Variants in SGCZ observed in about 807,000 individuals in gnomAD.
SGCZ encodes sarcoglycan zeta, also known as zeta-sarcoglycan.
Under a neutral mutation model 41.3 loss-of-function variants are expected in SGCZ, and 40 were observed. The observed-to-expected ratio is 0.97, with a 90% CI of 0.75 to 1.26. The LOEUF is 1.26. SGCZ is among the 50% of genes most tolerant of loss of function. The pLI is 0.00. For missense variants in SGCZ, 552 were observed against 369.8 expected, an observed-to-expected ratio of 1.49 and a Z score of -4.04; for synonymous variants, 206 against 137.5, an observed-to-expected ratio of 1.50 and a Z score of -3.49.
At position 14,927,102 on chromosome 8, in the gene SGCZ, C is replaced by CTTTTTTTTT. The variant is rs71209091; in HGVS notation, c.39+310474_39+310482dup. 3.6e-5 allele frequency among the ~76,000 whole-genome samples: 3 copies of CTTTTTTTTT among 82,684 alleles called. 1 individual carries two copies. The highest frequency in any genetic ancestry group is 6.5e-5 in the Non-Finnish European group (3 of 46,080). The allele number at this position is 82,684 out of a possible 152,430, so 54.2% of individuals were successfully genotyped here. On this transcript the variant is annotated intron_variant, in intron 1 of 7. Coordinates refer to ENST00000382080, the MANE Select transcript of SGCZ (RefSeq NM_139167.4). ...TATCAAAGTATCAAAGTTCCTGATT[C>CTTTTTTTTT]TTTTTTTTTTTTTTTTTTTTTTGTG...
rs1024302225 is a variant in SGCZ, at chr8:14,384,213, G to A, written c.235-60009C>T. 3.3e-5 allele frequency among the ~76,000 whole-genome samples: 5 copies of A among 152,078 alleles called. No homozygotes were observed. In the East Asian group the frequency reaches 5.8e-4, roughly 18 times the overall value. ...TCCCACCTATGAGTGAGAACATGCG[G>A]TGTTCGGTTTTTTGTCCTTGCGATA... On this transcript the variant is annotated intron_variant, in intron 2 of 7. Transcript: ENST00000382080.
intron 2 of SGCZ, among the ~76,000 whole-genome samples, chr8:14,428,074 C>A (rs1024872773): frequency 6.6e-6 from 1 of 151,230 alleles, no homozygotes; most frequent in South Asian, 2.1e-4. Flanking sequence ...GAATCAAACC[C>A]CGCAGATACT....
At chr8:14,724,586 T>C (rs1809992783) in intron 1 of SGCZ, among the ~76,000 whole-genome samples, 1 of 151,844 alleles carries the variant, frequency 6.6e-6, no homozygotes, top group Admixed American at 6.6e-5. Context: ...TCATTTGTAT[T>C]ATTCAGTTTG....
At chr8:14,292,860 A>G (rs765057506) in intron 3 of SGCZ, among the ~76,000 whole-genome samples, 43 of 151,988 alleles carry the variant, frequency 2.8e-4, no homozygotes, top group Non-Finnish European at 5.6e-4. Flanking sequence ...CTCTGTCTCT[A>G]TATATATAAT....
chr8:15,095,245 T>C (rs1433728860), intron 1 of SGCZ, among the ~76,000 whole-genome samples: 1 of 152,124 alleles, frequency 6.6e-6, no homozygotes, highest in East Asian at 1.9e-4. Context: ...ATTACAGTCA[T>C]GTGCCATCAC....
chr8:14,810,738 A>ATAGT (rs1801713771), intron 1 of SGCZ, among the ~76,000 whole-genome samples: 1 of 151,994 alleles, frequency 6.6e-6, no homozygotes, highest in Non-Finnish European at 1.5e-5. Context: ...AGCTATACTG[A>ATAGT]TAGTATTTTC....
chr8:14,792,413 G>C (rs1472358499), intron 1 of SGCZ, among the ~76,000 whole-genome samples: 1 of 152,042 alleles, frequency 6.6e-6, no homozygotes, highest in Non-Finnish European at 1.5e-5. Flanking sequence ...TCTCTCTTTA[G>C]AAACATCAAC....
intron 2 of SGCZ, among the ~76,000 whole-genome samples, chr8:14,507,211 G>A (rs1374097975): frequency 6.6e-6 from 1 of 151,190 alleles, no homozygotes; most frequent in East Asian, 2.0e-4. Context: ...TTCAAATACT[G>A]CATAAGTATG....
chr8:15,175,807 G>A (rs920772323), intron 1 of SGCZ, among the ~76,000 whole-genome samples: 1 of 152,128 alleles, frequency 6.6e-6, no homozygotes, highest in Non-Finnish European at 1.5e-5. Flanking sequence ...CAGAATTTAG[G>A]TAAATGGGGA....
intron 1 of SGCZ, among the ~76,000 whole-genome samples, chr8:14,607,215 A>G (rs1365877121): frequency 6.6e-6 from 1 of 152,190 alleles, no homozygotes; most frequent in African/African-American, 2.4e-5. Context: ...TATACTGAAA[A>G]TTAAATAAAA....
intron 1 of SGCZ, among the ~76,000 whole-genome samples, chr8:15,102,885 T>C (rs968556534): frequency 5.3e-5 from 8 of 152,172 alleles, no homozygotes; most frequent in Admixed American, 2.0e-4. Flanking sequence ...CCAGGAACTC[T>C]TTAGTCCAAG....
At chr8:15,101,902 G>A (rs1047465315) in intron 1 of SGCZ, among the ~76,000 whole-genome samples, 6 of 152,142 alleles carry the variant, frequency 3.9e-5, no homozygotes, top group African/African-American at 1.4e-4. Context: ...TCCAGCCTGA[G>A]CAACAGAGCG....
intron 1 of SGCZ, among the ~76,000 whole-genome samples, chr8:15,039,179 A>T (rs963693575): frequency 6.6e-6 from 1 of 152,170 alleles, no homozygotes; most frequent in Non-Finnish European, 1.5e-5. Context: ...CTGAACTCCT[A>T]TGTTCACTCC....
At chr8:14,252,845 T>C (rs1285350537) in intron 3 of SGCZ, among the ~76,000 whole-genome samples, 1 of 152,216 alleles carries the variant, frequency 6.6e-6, no homozygotes, top group Non-Finnish European at 1.5e-5. Flanking sequence ...TTTCTACTAT[T>C]TTTTCAACTC....
intron 1 of SGCZ, among the ~76,000 whole-genome samples, chr8:15,186,138 T>C (rs1361720005): frequency 2.7e-5 from 4 of 149,878 alleles, no homozygotes. Flanking sequence ...GGAGGGCGCC[T>C]GTAGTCCCAG....
chr8:14,116,410 C>T (rs1291145734), intron 5 of SGCZ, among the ~76,000 whole-genome samples: 1 of 152,014 alleles, frequency 6.6e-6, no homozygotes, highest in East Asian at 1.9e-4. Flanking sequence ...TTTTTTGGGT[C>T]TCTCTGCCGA....
At chr8:14,726,554 G>C (rs1393023086) in intron 1 of SGCZ, among the ~76,000 whole-genome samples, 1 of 151,464 alleles carries the variant, frequency 6.6e-6, no homozygotes, top group Non-Finnish European at 1.5e-5. Flanking sequence ...GGAAAATATA[G>C]CAATTATGTG....
At chr8:15,085,265 C>A (rs1219059576) in intron 1 of SGCZ, among the ~76,000 whole-genome samples, 1 of 152,122 alleles carries the variant, frequency 6.6e-6, no homozygotes, top group Admixed American at 6.5e-5. Context: ...TTTTACTTCC[C>A]ATTCGAACTT....
rs80351352 is a variant in SGCZ, at chr8:14,817,209, T to C, written c.40-262283A>G. On this transcript the variant is annotated intron_variant, in intron 1 of 7. Transcript: ENST00000382080. ...GTCACAGAAGCCCAGGATAACGCCA[T>C]AGAGAGGGGATGGAGGCACCTGCCT... Among the ~76,000 whole-genome samples the C allele has an allele frequency of 8.5e-5, 13 of 152,180 alleles. No individual in the cohort carries two copies. The East Asian group carries it at 2.3e-3, about 27-fold the overall frequency.
Sources: allele counts gnomAD v4.1 joint callset (sites outside exome capture counted in the v4.1 genomes callset), GRCh38; gene constraint gnomAD v4.1.1; transcripts MANE v1.5; gene names NCBI Gene and HGNC (gene_info 2026-07-23, HGNC 2026-07-21).